The following OTX2 variants were observed in gnomAD, a reference collection of about 807,000 sequenced individuals.
OTX2 encodes the protein homeobox protein OTX2.
In OTX2, 4 loss-of-function variants were observed where a neutral mutation model predicts 29.0. The ratio of observed to expected loss-of-function variants is 0.14; its 90% CI spans 0.07 to 0.32. The LOEUF (loss-of-function observed/expected upper bound fraction) is 0.32, where lower values mean the gene tolerates loss of function less well. Ranked by LOEUF, OTX2 falls within the 10% of genes least tolerant of loss-of-function variation. The pLI, the probability that OTX2 is intolerant of heterozygous loss-of-function variation, is 1.00. For missense variants in OTX2, 298 were observed against 365.9 expected (o/e 0.81, Z 1.51); for synonymous variants, 134 against 141.0 (o/e 0.95, Z 0.35).
In OTX2 at chr14:56,805,560, G is replaced by A; in HGVS notation, c.-104C>T. The A allele has an allele frequency of 1.4e-6, 1 of 737,468 alleles. No homozygotes were observed. The highest frequency in any genetic ancestry group is 2.4e-4 in the Middle Eastern group (1 of 4,248). 45.7% of individuals were successfully genotyped at this position (737,468 alleles called of 1,614,324 possible). On this transcript the variant is annotated 5_prime_UTR_variant, in exon 3 of 5. Coordinates refer to ENST00000672264, the MANE Select transcript of OTX2 (RefSeq NM_021728.4). ...CAGGTTCAGAGTCCTTGGTGGGTGG[G>A]TTTGGAGCAGTGGAACTAAGGGCAA... is the stretch of plus-strand genomic sequence containing the variant.
At position 56,804,191 on chromosome 14, in the gene OTX2, C is replaced by G; in HGVS notation, c.270G>C (p.Val90=). ...ALKINLPESR[V]QVWFKNRRAK... ...GTTCTGCCTGCATCTGCCCTACCTG[C>G]ACCCTCGACTCGGGCAAGTTGATTT... Residue 90 remains valine (V), a synonymous_variant, in exon 4 of 5, where the codon GTG becomes GTC. Coordinates refer to ENST00000672264, the MANE Select transcript of OTX2 (RefSeq NM_021728.4). The surrounding 1 kb of genome is among the most constrained non-coding windows in gnomAD (Gnocchi z 4.1). 6.2e-7 allele frequency: 1 copy of G among 1,614,176 alleles called. No individual in the cohort carries two copies. Among genetic ancestry groups the G allele is most frequent in the Non-Finnish European group, 8.5e-7 (1 of 1,180,028 alleles).
Position 56,804,334 on chromosome 14 carries a change from G to C in OTX2, c.127C>G (p.Pro43Ala), listed in dbSNP as rs374042850. Residue 43 changes from proline to alanine, a missense_variant, in exon 4 of 5, where the codon CCC (proline) becomes GCC (alanine). This residue lies in a region of OTX2 where 50 missense variants were observed against 57.6 expected (regional missense o/e 0.87). Transcript: ENST00000672264. The surrounding 1 kb of genome is among the most constrained non-coding windows in gnomAD (Gnocchi z 4.1). The stretch of plus-strand genomic sequence containing the variant: ...GTCCTCTCCCGGCGCTGTTTCCGGG[G>C]GGTGGCTGCGGGACAAGAAGCCCAG... ...GPWASCPAATPRKQRRERTTF... is the reference protein window; with the variant it reads ...GPWASCPAATARKQRRERTTF... 5 of 1,613,812 alleles carry C rather than the reference G, an allele frequency of 3.1e-6. No homozygotes were observed. The African/African-American group carries it at 6.7e-5, about 22-fold the overall frequency.
At position 56,805,676 on chromosome 14, in the gene OTX2, G is replaced by A. The variant is rs534764707; in HGVS notation, c.-119-101C>T. 1.4e-3 allele frequency: 805 copies of A among 559,358 alleles called. 1 individual carries two copies. Among genetic ancestry groups the A allele is most frequent in the Non-Finnish European group, 2.3e-3 (717 of 307,634 alleles). The allele number at this position is 559,358 out of a possible 1,614,324, so 34.6% of individuals were successfully genotyped here. Reference sequence around the variant, plus strand: ...ACTAACTTAAAAAGAGCACGGACTAGGCGAGGCAGAGGCTTTTAAAGGACT... The same window carrying A: ...ACTAACTTAAAAAGAGCACGGACTAAGCGAGGCAGAGGCTTTTAAAGGACT... On this transcript the variant is annotated intron_variant, in intron 2 of 4. Transcript: ENST00000672264.
intron 2 of OTX2, among the ~76,000 whole-genome samples, chr14:56,808,002 C>T: frequency 8.3e-6 from 1 of 120,232 alleles, no homozygotes; most frequent in South Asian, 2.7e-4. Context: ...CCCGCAGCCC[C>T]GCAGCCCCGC....
chr14:56,806,788 A>T (rs1892101252), intron 2 of OTX2: 1 of 152,226 alleles, frequency 6.6e-6, no homozygotes, highest in Non-Finnish European at 1.5e-5. Flanking sequence ...TACTTTCTTC[A>T]GCTGAGCTCC....
chr14:56,807,243 T>G (rs1490495007), intron 2 of OTX2, among the ~76,000 whole-genome samples: 1 of 152,152 alleles, frequency 6.6e-6, no homozygotes, highest in Non-Finnish European at 1.5e-5. Context: ...AATGCTGTTC[T>G]TTGGAGGCTG....
At position 56,800,762 on chromosome 14, in the gene OTX2, AG is replaced by A. The variant is rs1298489300; in HGVS notation, c.*972del. The A allele has an allele frequency of 6.6e-6, 1 of 152,586 alleles. No homozygotes were observed. The highest frequency in any genetic ancestry group is 1.5e-5 in the Non-Finnish European group (1 of 68,034). The allele number at this position is 152,586 out of a possible 1,614,324, so 9.5% of individuals were successfully genotyped here. ...CATATCTGCCAAATCCAGGAAGAAA[AG>A]GTTTATGCATATATAACTTTTCCAT... On this transcript the variant is annotated 3_prime_UTR_variant, in exon 5 of 5. Transcript: ENST00000672264.
intron 2 of OTX2, among the ~76,000 whole-genome samples, chr14:56,807,225 C>CT (rs952702216): frequency 9.2e-5 from 14 of 152,020 alleles, no homozygotes; most frequent in African/African-American, 3.1e-4. Context: ...ATTGTCTTTT[C>CT]TTTTCAAAAT....
At chr14:56,807,852 C>G (rs998750537) in intron 2 of OTX2, among the ~76,000 whole-genome samples, 4 of 152,222 alleles carry the variant, frequency 2.6e-5, no homozygotes, top group African/African-American at 9.6e-5. Context: ...TGACTGCTCA[C>G]GAGGTGGCCT....
At chr14:56,809,675 G>T (rs1018130539) in intron 2 of OTX2, among the ~76,000 whole-genome samples, 4 of 152,198 alleles carry the variant, frequency 2.6e-5, no homozygotes, top group Admixed American at 2.6e-4. Context: ...CCAAGGAGGC[G>T]CCTGGCTTTT....
In OTX2 at chr14:56,801,749, A is replaced by G; in HGVS notation, c.880T>C (p.Phe294Leu). The change falls in exon 5 of 5, where the codon TTC (phenylalanine) becomes CTC (leucine). Residue 294 changes from phenylalanine (F) to leucine (L), a missense_variant. Physicochemically the swap from Phe to Leu is conservative, Grantham distance 22. Around this residue, in one of 3 missense-constraint regions of OTX2, gnomAD observed 219 missense variants for 223.5 expected, o/e 0.98. Transcript: ENST00000672264. The surrounding 1 kb of genome is among the most constrained non-coding windows in gnomAD (Gnocchi z 4.2). ...TCTACAGGTCTTCACAAAACCTGGA[A>G]TTTCCACGAGGATGTCTGATCTTTA... ...DYKDQTSSWK[F>L]QVL 1.9e-6 allele frequency: 3 copies of G among 1,614,070 alleles called. No homozygotes were observed. The highest frequency in any genetic ancestry group is 2.5e-6 in the Non-Finnish European group (3 of 1,180,036).
Position 56,801,644 on chromosome 14 carries a change from A to T in OTX2, c.*91T>A. Reference sequence around the variant, plus strand: ...ATCAGATGAGTCTGAGCATCATCCCATCTAACTCTTTTAACCAATGCCTGG... The same window carrying T: ...ATCAGATGAGTCTGAGCATCATCCCTTCTAACTCTTTTAACCAATGCCTGG... On this transcript the variant is annotated 3_prime_UTR_variant, in exon 5 of 5. Transcript: ENST00000672264. The surrounding 1 kb of genome is among the most constrained non-coding windows in gnomAD (Gnocchi z 4.2). 2.8e-6 allele frequency: 4 copies of T among 1,420,636 alleles called. No homozygotes were observed. Among genetic ancestry groups the T allele is most frequent in the South Asian group, 1.2e-5 (1 of 86,524 alleles). The allele number at this position is 1,420,636 out of a possible 1,614,324, so 88.0% of individuals were successfully genotyped here.
rs988022669 is a variant in OTX2, at chr14:56,804,138, G to A, written c.273+50C>T. On this transcript the variant is annotated intron_variant, in intron 4 of 4. Transcript: ENST00000672264. The surrounding 1 kb of genome is among the most constrained non-coding windows in gnomAD (Gnocchi z 4.1). ...TGGGGCTCTCCACAGTCCCATACTCGGGAAGGGTGGCATGATCAGGAAGGA... is the reference window on the plus strand; with the variant it reads ...TGGGGCTCTCCACAGTCCCATACTCAGGAAGGGTGGCATGATCAGGAAGGA... 6.2e-7 allele frequency: 1 copy of A among 1,603,102 alleles called. No homozygotes were observed. The highest frequency in any genetic ancestry group is 8.5e-7 in the Non-Finnish European group (1 of 1,170,108).
At chr14:56,807,923 G>A (rs1892143559) in intron 2 of OTX2, among the ~76,000 whole-genome samples, 1 of 152,008 alleles carries the variant, frequency 6.6e-6, no homozygotes, top group African/African-American at 2.4e-5. Flanking sequence ...CAGCCGGTCG[G>A]CGACCGCACC....
Position 56,804,271 on chromosome 14 carries a change from G to A in OTX2, c.190C>T (p.Leu64=). 6.2e-7 allele frequency: 1 copy of A among 1,614,200 alleles called. No homozygotes were observed. Among genetic ancestry groups the A allele is most frequent in the Non-Finnish European group, 8.5e-7 (1 of 1,180,044 alleles). ...TRAQLDVLEA[L]FAKTRYPDIF... ...TCTGGGTACCGGGTCTTGGCAAACA[G>A]TGCTTCCAGCACATCTAGCTGCGCC... The change falls in exon 4 of 5, where the codon CTG becomes TTG. Residue 64 remains leucine (L), a synonymous_variant. Transcript: ENST00000672264. This position sits in a 1 kb window ranked among gnomAD's most constrained non-coding sequence, Gnocchi z 4.1.
chr14:56,804,088 C>A lies in OTX2; in HGVS notation c.273+100G>T. Reference sequence around the variant, plus strand: ...TTAGTGAGTGAAGGAGAATTTCAAGCCTTCCTTCAGTCCTCTGAAAGACCT... The same window carrying A: ...TTAGTGAGTGAAGGAGAATTTCAAGACTTCCTTCAGTCCTCTGAAAGACCT... On this transcript the variant is annotated intron_variant, in intron 4 of 4. Coordinates refer to ENST00000672264, the MANE Select transcript of OTX2 (RefSeq NM_021728.4). This position sits in a 1 kb window ranked among gnomAD's most constrained non-coding sequence, Gnocchi z 4.1. 1 of 1,377,376 alleles carries A rather than the reference C, an allele frequency of 7.3e-7. No homozygotes were observed. The highest frequency in any genetic ancestry group is 1.2e-5 in the South Asian group (1 of 84,800). 85.3% of individuals were successfully genotyped at this position (1,377,376 alleles called of 1,614,324 possible).
intron 3 of OTX2, among the ~76,000 whole-genome samples, chr14:56,805,136 G>C (rs1682047185): frequency 6.6e-6 from 1 of 152,180 alleles, no homozygotes; most frequent in African/African-American, 2.4e-5. Context: ...TGATTGTAAC[G>C]GTTGCAGACC....
At chr14:56,805,239 C>A (rs962887669) in intron 3 of OTX2, 121 bp downstream of exon 3, 6 of 710,534 alleles carry the variant, frequency 8.4e-6, no homozygotes, top group South Asian at 8.1e-5. Flanking sequence ...GGAGACCAAG[C>A]CTGAAGCTGG....
At chr14:56,809,291 C>G (rs764185431) in intron 2 of OTX2, among the ~76,000 whole-genome samples, 95 of 152,334 alleles carry the variant, frequency 6.2e-4, no homozygotes, top group Admixed American at 1.6e-3. Flanking sequence ...CCGGCAAAGT[C>G]ATGTTGAAAA....
Sources: allele counts gnomAD v4.1 joint callset (sites outside exome capture counted in the v4.1 genomes callset), GRCh38; gene constraint gnomAD v4.1.1; regional missense constraint gnomAD v4.1.1; non-coding constraint Gnocchi (gnomAD v3.1); transcripts MANE v1.5; gene names NCBI Gene and HGNC (gene_info 2026-07-23, HGNC 2026-07-21).